Variants in LDLRAP1 observed in about 807,000 individuals in gnomAD.
LDLRAP1 encodes low density lipoprotein receptor adaptor protein 1.
LDLRAP1 carries 30 observed loss-of-function variants against 37.8 expected under a neutral mutation model. The ratio of observed to expected loss-of-function variants is 0.79; its 90% CI spans 0.59 to 1.08. The LOEUF (loss-of-function observed/expected upper bound fraction) is 1.08, where lower values mean the gene tolerates loss of function less well. Ranked by LOEUF, LDLRAP1 falls within the 50% of genes least tolerant of loss-of-function variation. The probability of loss-of-function intolerance (pLI) is 0.00; values close to 1 mark genes in which losing one functional copy is unlikely to be tolerated. For missense variants in LDLRAP1, 375 were observed against 401.6 expected (o/e 0.93, Z 0.57); for synonymous variants, 156 against 169.8 (o/e 0.92, Z 0.63).
the LDLRAP1 span, among the ~76,000 whole-genome samples, chr1:25,579,205 G>A: frequency 6.6e-6 from 1 of 152,166 alleles, no homozygotes. Context: ...AAGGCAGAAA[G>A]ACCCAGCTCC....
chr1:25,565,239 C>A (rs1382703068), intron 8 of LDLRAP1, 32 bp downstream of exon 8: 1 of 1,613,256 alleles, frequency 6.2e-7, no homozygotes, highest in African/African-American at 1.3e-5. Context: ...GGGTAGGGGG[C>A]CTGGTGTGCG....
At chr1:25,586,385 G>A in the LDLRAP1 span, among the ~76,000 whole-genome samples, 2 of 152,236 alleles carry the variant, frequency 1.3e-5, no homozygotes, top group African/African-American at 4.8e-5. The surrounding 1 kb of genome is among the most constrained non-coding windows in gnomAD (Gnocchi z 4.3). Context: ...TGCTGCGGCC[G>A]CATCTGATCT....
At chr1:25,562,840 C>T (rs2044376022) in intron 5 of LDLRAP1, 124 bp downstream of exon 5, 1 of 884,696 alleles carries the variant, frequency 1.1e-6, no homozygotes, top group Non-Finnish European at 1.8e-6. Flanking sequence ...TGAGCAGGTC[C>T]CTTCACCGCT....
chr1:25,582,240 AT>A, the LDLRAP1 span, among the ~76,000 whole-genome samples: 1 of 152,222 alleles, frequency 6.6e-6, no homozygotes, highest in South Asian at 2.1e-4. Flanking sequence ...GGGATGCATT[AT>A]CTGGTTCTAA....
chr1:25,554,965 A>G lies in LDLRAP1; in HGVS notation c.337A>G (p.Ile113Val). The G allele has an allele frequency of 1.9e-6, 3 of 1,613,128 alleles. No individual in the cohort carries two copies. Among genetic ancestry groups the G allele is most frequent in the Non-Finnish European group, 1.7e-6 (2 of 1,179,072 alleles). ...LTNQLIENVS[I>V]YRISYCTADK... is the part of the protein sequence containing the mutation. ...CAACCAGCTCATTGAGAACGTGTCC[A>G]TATACAGGTACGCTCAGCATGGGGT... The change falls in exon 3 of 9, where the codon ATA becomes GTA. Residue 113 changes from isoleucine (I) to valine (V), a missense_variant. Transcript: ENST00000374338. The surrounding 1 kb of genome is among the most constrained non-coding windows in gnomAD (Gnocchi z 5.4).
chr1:25,569,465 G>A (rs2044572296), downstream of LDLRAP1, among the ~76,000 whole-genome samples: 4 of 152,080 alleles, frequency 2.6e-5, no homozygotes, highest in South Asian at 8.3e-4. Flanking sequence ...TCTGCCACTT[G>A]GAGGCTGTGA....
chr1:25,577,420 G>T, the LDLRAP1 span, among the ~76,000 whole-genome samples: 1 of 152,102 alleles, frequency 6.6e-6, no homozygotes, highest in Non-Finnish European at 1.5e-5. Context: ...GGCCCTGTGG[G>T]CAGGTCCTGG....
At chr1:25,585,483 G>A in the LDLRAP1 span, among the ~76,000 whole-genome samples, 9 of 152,194 alleles carry the variant, frequency 5.9e-5, no homozygotes, top group Admixed American at 3.3e-4. Flanking sequence ...CTGCCACCAC[G>A]CCTGGCTAAC....
intron 4 of LDLRAP1, among the ~76,000 whole-genome samples, chr1:25,561,868 G>A (rs1343840581): frequency 2.6e-5 from 4 of 152,178 alleles, no homozygotes; most frequent in Non-Finnish European, 5.9e-5. Flanking sequence ...CACAGGCAGG[G>A]GAGCCAGTGA....
chr1:25,560,715 A>G (rs935800399), intron 4 of LDLRAP1, among the ~76,000 whole-genome samples: 1 of 152,110 alleles, frequency 6.6e-6, no homozygotes, highest in Non-Finnish European at 1.5e-5. Context: ...GCCCCTTTTG[A>G]GCCATGAGCA....
intron 1 of LDLRAP1, among the ~76,000 whole-genome samples, chr1:25,551,424 G>A (rs1404938907): frequency 6.6e-6 from 1 of 152,232 alleles, no homozygotes; most frequent in Non-Finnish European, 1.5e-5. Flanking sequence ...AGTCCTTTGA[G>A]TCTCAGTTTC....
At chr1:25,558,119 G>A (rs1427508272) in intron 4 of LDLRAP1, among the ~76,000 whole-genome samples, 4 of 152,176 alleles carry the variant, frequency 2.6e-5, no homozygotes, top group Non-Finnish European at 4.4e-5. Context: ...AAGAAGTGGA[G>A]TGGGTCAACC....
chr1:25,587,648 A>C, the LDLRAP1 span, among the ~76,000 whole-genome samples: 1 of 152,144 alleles, frequency 6.6e-6, no homozygotes, highest in African/African-American at 2.4e-5. Flanking sequence ...CACCGAGCGG[A>C]GCTGTGGAAA....
the LDLRAP1 span, among the ~76,000 whole-genome samples, chr1:25,574,468 C>G: frequency 6.6e-6 from 1 of 152,242 alleles, no homozygotes; most frequent in African/African-American, 2.4e-5. Flanking sequence ...TGTCCTCCTG[C>G]TCTGTTGTCT....
chr1:25,566,766 C>T lies in LDLRAP1; in HGVS notation c.783-82C>T, dbSNP rs2044492381. 8 of 1,531,206 alleles carry T rather than the reference C, an allele frequency of 5.2e-6. No individual in the cohort carries two copies. The East Asian group carries it at 1.9e-4, about 37-fold the overall frequency. 94.9% of individuals were successfully genotyped at this position (1,531,206 alleles called of 1,614,324 possible). A position where few individuals can be genotyped will look rare whatever the true frequency, so the allele number is the denominator to read the frequency against. Reference sequence around the variant, plus strand: ...TCTTGGGCCATGTGCCCTGCTGTTCCCCACTGGTGCCCCCTCGCGTCTGAC... The same window carrying T: ...TCTTGGGCCATGTGCCCTGCTGTTCTCCACTGGTGCCCCCTCGCGTCTGAC... On this transcript the variant is annotated intron_variant, in intron 8 of 8. Coordinates refer to ENST00000374338, the MANE Select transcript of LDLRAP1 (RefSeq NM_015627.3).
chr1:25,574,073 G>A, the LDLRAP1 span, among the ~76,000 whole-genome samples: 1 of 152,272 alleles, frequency 6.6e-6, no homozygotes, highest in South Asian at 2.1e-4. Context: ...GGGGTGGTCA[G>A]AGTTGGACAG....
At chr1:25,576,408 C>T in the LDLRAP1 span, among the ~76,000 whole-genome samples, 3 of 152,032 alleles carry the variant, frequency 2.0e-5, no homozygotes, top group Non-Finnish European at 4.4e-5. Flanking sequence ...TGCCTGTAAT[C>T]GCAGCTACTG....
At position 25,566,919 on chromosome 1, in the gene LDLRAP1, A is replaced by G; in HGVS notation, c.854A>G (p.Gln285Arg). 11 of 1,613,538 alleles carry G rather than the reference A, an allele frequency of 6.8e-6. No homozygotes were observed. The highest frequency in any genetic ancestry group is 9.3e-6 in the Non-Finnish European group (11 of 1,179,960). Reference sequence around the variant, plus strand: ...ACAGCCCAGGACATGCATTACGCCCAGTGCCTCTCGCCTGTCGACTGGGAC... The same window carrying G: ...ACAGCCCAGGACATGCATTACGCCCGGTGCCTCTCGCCTGTCGACTGGGAC... ...GLTAQDMHYA[Q>R]CLSPVDWDKP... The change falls in exon 9 of 9, where the codon CAG becomes CGG. Residue 285 changes from glutamine (Q) to arginine (R), a missense_variant. Transcript: ENST00000374338.
intron 1 of LDLRAP1, among the ~76,000 whole-genome samples, chr1:25,549,542 G>C (rs1403428379): frequency 3.3e-5 from 5 of 152,238 alleles, no homozygotes; most frequent in Non-Finnish European, 7.3e-5. Flanking sequence ...CATATGGTCT[G>C]TCCCCAGCTA....
Sources: allele counts gnomAD v4.1 joint callset (sites outside exome capture counted in the v4.1 genomes callset), GRCh38; gene constraint gnomAD v4.1.1; non-coding constraint Gnocchi (gnomAD v3.1); transcripts MANE v1.5; gene names NCBI Gene and HGNC (gene_info 2026-07-23, HGNC 2026-07-21).